NRL: variants seen among roughly 807,000 people sequenced by gnomAD.
NRL encodes neural retina leucine zipper.
In NRL, 16 loss-of-function variants were observed where a neutral mutation model predicts 12.5. The observed-to-expected ratio is 1.28, with a 90% confidence interval of 0.87 to 1.95. The LOEUF is 1.95. Ranked by LOEUF, NRL falls within the 30% of genes most tolerant of loss-of-function variation. The pLI is 0.00. For synonymous variants in NRL, 142 were observed against 150.9 expected (o/e 0.94, Z 0.43); for missense variants, 314 against 325.8 (o/e 0.96, Z 0.28).
At chr14:24,088,869 G>A (rs1337890899) in intron 1 of NRL, among the ~76,000 whole-genome samples, 2 of 142,298 alleles carry the variant, frequency 1.4e-5, no homozygotes, top group South Asian at 2.2e-4. Context: ...GCAGTGGCGC[G>A]ATCTTGGCTG....
At chr14:24,103,093 AC>A in intron 1 of NRL, 1 of 1,342,940 alleles carries the variant, frequency 7.4e-7, no homozygotes, top group Non-Finnish European at 1.1e-6. Flanking sequence ...AGTCAAGCTC[AC>A]CAGAAGGGCT....
chr14:24,093,818 G>C (rs2036719163), intron 1 of NRL, among the ~76,000 whole-genome samples: 1 of 152,146 alleles, frequency 6.6e-6, no homozygotes, highest in Non-Finnish European at 1.5e-5. Flanking sequence ...GGGGATTTAG[G>C]AGTTGGGGAC....
At chr14:24,099,531 C>G (rs769094260) in intron 1 of NRL, 8 of 1,552,682 alleles carry the variant, frequency 5.2e-6, no homozygotes, top group Middle Eastern at 1.7e-4. Context: ...TGACCTCTTT[C>G]TTATTCCCTC....
At chr14:24,097,130 A>G (rs2036922052) in intron 1 of NRL, 2 of 1,613,794 alleles carry the variant, frequency 1.2e-6, no homozygotes, top group Non-Finnish European at 1.7e-6. Context: ...CCCCAAGTAC[A>G]ATAACTGGTA....
At chr14:24,102,187 C>G (rs2037187628) in intron 1 of NRL, among the ~76,000 whole-genome samples, 1 of 152,192 alleles carries the variant, frequency 6.6e-6, no homozygotes, top group Non-Finnish European at 1.5e-5. Flanking sequence ...AAGATTGCAC[C>G]ACTGCACTAC....
rs1051217364 is a variant in NRL, at chr14:24,085,643, T to A, written c.-27-2768A>T. On this transcript the variant is annotated intron_variant, in intron 1 of 2. Transcript: ENST00000561028. The surrounding 1 kb of genome is among the most constrained non-coding windows in gnomAD (Gnocchi z 4.1). ...CCAAATACTCCCATGGGGTTAATAGTTCCTCTTTCTCAACACAGAGGCCTG... is the reference window on the plus strand; with the variant it reads ...CCAAATACTCCCATGGGGTTAATAGATCCTCTTTCTCAACACAGAGGCCTG... Among the ~76,000 whole-genome samples the A allele has an allele frequency of 2.6e-5, 4 of 152,220 alleles. No individual in the cohort carries two copies. The highest frequency in any genetic ancestry group is 9.6e-5 in the African/African-American group (4 of 41,456).
intron 1 of NRL, chr14:24,103,887 G>A (rs1275760500): frequency 1.2e-6 from 2 of 1,614,048 alleles, no homozygotes; most frequent in Middle Eastern, 1.6e-4. Context: ...CTACCTGACA[G>A]AGCAGGTCAA....
In NRL at chr14:24,092,687, G is replaced by A. The variant is rs115988045; in HGVS notation, c.-27-9812C>T. ...AGAGACGGGGACCAGTAGCAAGCCCGTGGCTGGAGACCAGCTCTCCTTATC... is the reference window on the plus strand; with the variant it reads ...AGAGACGGGGACCAGTAGCAAGCCCATGGCTGGAGACCAGCTCTCCTTATC... On this transcript the variant is annotated intron_variant, in intron 1 of 2. Coordinates refer to ENST00000561028, the MANE Select transcript of NRL (RefSeq NM_001354768.3). 2.2e-3 allele frequency among the ~76,000 whole-genome samples: 335 copies of A among 152,330 alleles called. 1 individual carries two copies. The highest frequency in any genetic ancestry group is 7.7e-3 in the African/African-American group (321 of 41,574).
Position 24,114,943 on chromosome 14 carries a change from G to A in NRL, c.-249C>T, listed in dbSNP as rs1228875542. On this transcript the variant is annotated 5_prime_UTR_variant, in exon 1 of 3. Transcript: ENST00000561028. ...CTGGCTGGTGGGTGGTCTCGCGTGG[G>A]GCGGTTACCGCCGGCTTCAGTGGGA... 1.7e-5 allele frequency: 17 copies of A among 985,918 alleles called. No individual in the cohort carries two copies. The highest frequency in any genetic ancestry group is 1.9e-5 in the Non-Finnish European group (16 of 830,018). 61.1% of individuals were successfully genotyped at this position (985,918 alleles called of 1,614,324 possible).
chr14:24,094,953 G>A lies in NRL; in HGVS notation c.-27-12078C>T. On this transcript the variant is annotated intron_variant, in intron 1 of 2. Coordinates refer to ENST00000561028, the MANE Select transcript of NRL (RefSeq NM_001354768.3). This position sits in a 1 kb window ranked among gnomAD's most constrained non-coding sequence, Gnocchi z 4.1. Reference sequence around the variant, plus strand: ...TGGAAGGACTGGAACCTGGCGGGAAGTCCAGAGCAGCCCGAGGGACCTGGG... The same window carrying A: ...TGGAAGGACTGGAACCTGGCGGGAAATCCAGAGCAGCCCGAGGGACCTGGG... The A allele has an allele frequency of 1.1e-6, 1 of 934,950 alleles. No homozygotes were observed. Among genetic ancestry groups the A allele is most frequent in the South Asian group, 1.4e-5 (1 of 70,186 alleles). 57.9% of individuals were successfully genotyped at this position (934,950 alleles called of 1,614,324 possible).
Position 24,085,652 on chromosome 14 carries a change from C to T in NRL, c.-27-2777G>A, listed in dbSNP as rs2036448212. ...CCCATGGGGTTAATAGTTCCTCTTT[C>T]TCAACACAGAGGCCTGGGTGTCCAT... On this transcript the variant is annotated intron_variant, in intron 1 of 2. Coordinates refer to ENST00000561028, the MANE Select transcript of NRL (RefSeq NM_001354768.3). The surrounding 1 kb of genome is among the most constrained non-coding windows in gnomAD (Gnocchi z 4.1). 6.6e-6 allele frequency among the ~76,000 whole-genome samples: 1 copy of T among 152,208 alleles called. No individual in the cohort carries two copies. Among genetic ancestry groups the T allele is most frequent in the Non-Finnish European group, 1.5e-5 (1 of 68,050 alleles).
intron 1 of NRL, chr14:24,104,218 A>C (rs1350578842): frequency 3.2e-5 from 16 of 505,380 alleles, no homozygotes; most frequent in East Asian, 1.1e-4. Flanking sequence ...CCCCTAGAAG[A>C]AGCACAGCCT....
intron 1 of NRL, among the ~76,000 whole-genome samples, chr14:24,084,283 A>G (rs1160134127): frequency 1.3e-5 from 2 of 152,214 alleles, no homozygotes; most frequent in Non-Finnish European, 2.9e-5. Context: ...GGCAGAAAGG[A>G]GATGGTGAGA....
At chr14:24,096,567 C>G (rs981175888) in intron 1 of NRL, among the ~76,000 whole-genome samples, 5 of 152,166 alleles carry the variant, frequency 3.3e-5, no homozygotes, top group Admixed American at 6.5e-5. Flanking sequence ...GTTGATTAAA[C>G]AGTTAAACAT....
intron 1 of NRL, chr14:24,100,217 T>C (rs767512105): frequency 6.2e-7 from 1 of 1,614,140 alleles, no homozygotes. Context: ...AAACCTGGTA[T>C]GTGCGGTGGG....
chr14:24,099,409 C>G (rs927557476), intron 1 of NRL: 1 of 985,890 alleles, frequency 1.0e-6, no homozygotes, highest in African/African-American at 1.6e-5. Context: ...GTTTCCCCTG[C>G]CACTAACCCA....
chr14:24,103,265 C>T (rs1184300074), intron 1 of NRL: 4 of 1,598,066 alleles, frequency 2.5e-6, no homozygotes, highest in Non-Finnish European at 3.4e-6. Context: ...GGTGAGCACC[C>T]TCACCATTCC....
intron 1 of NRL, among the ~76,000 whole-genome samples, chr14:24,108,059 C>G (rs780672033): frequency 7.2e-5 from 11 of 152,180 alleles, no homozygotes; most frequent in Admixed American, 2.6e-4. Flanking sequence ...CCAAAAAGAG[C>G]TGAGTCCTTT....
chr14:24,094,934 G>T lies in NRL; in HGVS notation c.-27-12059C>A. The T allele has an allele frequency of 9.3e-7, 1 of 1,077,010 alleles. No homozygotes were observed. Among genetic ancestry groups the T allele is most frequent in the Non-Finnish European group, 1.2e-6 (1 of 802,208 alleles). 66.7% of individuals were successfully genotyped at this position (1,077,010 alleles called of 1,614,324 possible). A position where few individuals can be genotyped will look rare whatever the true frequency, so the allele number is the denominator to read the frequency against. ...TTCCCGGCCTCTCCCGGACTGGAAG[G>T]ACTGGAACCTGGCGGGAAGTCCAGA... is the stretch of plus-strand genomic sequence containing the variant. On this transcript the variant is annotated intron_variant, in intron 1 of 2. Coordinates refer to ENST00000561028, the MANE Select transcript of NRL (RefSeq NM_001354768.3). The surrounding 1 kb of genome is among the most constrained non-coding windows in gnomAD (Gnocchi z 4.1).
Sources: gnomAD v4.1 joint callset for allele counts (sites outside exome capture counted in the v4.1 genomes callset) on GRCh38, gnomAD v4.1.1 for gene constraint, Gnocchi (gnomAD v3.1) non-coding constraint, MANE v1.5 for transcripts, NCBI Gene and HGNC (gene_info 2026-07-23, HGNC 2026-07-21) for gene names.